Variants in RASGRP4 observed in about 807,000 individuals in gnomAD.
The protein encoded by RASGRP4 is RAS guanyl-releasing protein 4.
Under a neutral mutation model 84.4 loss-of-function variants are expected in RASGRP4, and 52 were observed. The ratio of observed to expected loss-of-function variants is 0.62; its 90% CI spans 0.49 to 0.78. The LOEUF is 0.78. RASGRP4 is among the 30% of genes least tolerant of loss of function. The pLI is 0.00. For synonymous variants in RASGRP4, 356 were observed against 359.1 expected (o/e 0.99, Z 0.10); for missense variants, 760 against 886.9 (o/e 0.86, Z 1.82).
intron 1 of RASGRP4, among the ~76,000 whole-genome samples, chr19:38,423,425 C>T (rs1600580964): frequency 6.6e-6 from 1 of 151,980 alleles, no homozygotes; most frequent in East Asian, 1.9e-4. Flanking sequence ...ACTCAGGAGG[C>T]TGAGGCAGGA....
rs759061661 is a variant in RASGRP4 at position 38,426,095 on chromosome 19, TC to T, written c.-5del. The T allele has an allele frequency of 3.8e-5, 51 of 1,336,342 alleles. No homozygotes were observed. The highest frequency in any genetic ancestry group is 4.2e-5 in the Non-Finnish European group (43 of 1,034,478). 82.8% of individuals were successfully genotyped at this position (1,336,342 alleles called of 1,614,324 possible). On this transcript the variant is annotated 5_prime_UTR_variant, in exon 1 of 17. Transcript: ENST00000615439. ...TCTTACTGTCTTTTCTGTTCATGCT[TC>T]CCGCGTGGGGTGAGGAGGCCGGGGG...
Position 38,409,147 on chromosome 19 carries a change from G to GGGA in RASGRP4, c.*892_*893insTCC. 3.0e-6 allele frequency: 1 copy of GGGA among 330,186 alleles called. No individual in the cohort carries two copies. The highest frequency in any genetic ancestry group is 2.2e-5 in the African/African-American group (1 of 45,200). 20.5% of individuals were successfully genotyped at this position (330,186 alleles called of 1,614,324 possible). A position where few individuals can be genotyped will look rare whatever the true frequency, so the allele number is the denominator to read the frequency against. On this transcript the variant is annotated 3_prime_UTR_variant, in exon 17 of 17. Transcript: ENST00000615439. The stretch of plus-strand genomic sequence containing the variant: ...TGTTGGGGTTTGTGAAGGGGTTGGG[G>GGGA]GGGTCTCTGCTCCCTGGGACTGAAT...
chr19:38,419,885 TCC>T lies in RASGRP4; in HGVS notation c.636_637del (p.Glu213ValfsTer102), dbSNP rs1453221710. On this transcript the variant is annotated frameshift_variant, in exon 6 of 17. Transcript: ENST00000615439. LOFTEE classifies it high-confidence loss of function. ...CGTGATAGCCTGGAAGGACCGGAAC[TCC>T]AGGTAGGTGAGGTGCTGAGCCAGCT... 1 of 1,605,664 alleles carries T rather than the reference TCC, an allele frequency of 6.2e-7. No homozygotes were observed. The highest frequency in any genetic ancestry group is 1.7e-5 in the Admixed American group (1 of 58,320).
Position 38,421,100 on chromosome 19 carries a change from C to T in RASGRP4, c.309G>A (p.Leu103=). 1.9e-6 allele frequency: 3 copies of T among 1,613,654 alleles called. No individual in the cohort carries two copies. The highest frequency in any genetic ancestry group is 2.2e-5 in the South Asian group (2 of 91,084). Residue 103 remains leucine, a synonymous_variant, in exon 3 of 17, where the codon CTG becomes CTA. Coordinates refer to ENST00000615439, the MANE Select transcript of RASGRP4 (RefSeq NM_170604.3). ...CTCACAGTCCTGGAGGATATGAGGT[C>T]AGCAGGCGGGCAGCCAGGTCGGCGG... ...LPSADLAARL[L]TSYQKATGDT...
Position 38,410,958 on chromosome 19 carries a change from A to T in RASGRP4, c.1893T>A (p.Pro631=), listed in dbSNP as rs898908397. ...ENHSYTLSLE[P]ETGCQLRHAW... is the part of the protein sequence containing the mutation. ...CATGGCGAAGCTGGCACCCAGTCTC[A>T]GGCTCCAGGGATAGCGTGTAGGAGT... Residue 631 remains proline (P), a synonymous_variant, in exon 16 of 17, where the codon CCT becomes CCA. Transcript: ENST00000615439. The T allele has an allele frequency of 3.1e-6, 5 of 1,602,768 alleles. No individual in the cohort carries two copies. Among genetic ancestry groups the T allele is most frequent in the Non-Finnish European group, 4.3e-6 (5 of 1,174,860 alleles).
intron 1 of RASGRP4, 139 bp from the exon 2 acceptor site, chr19:38,422,292 A>C: frequency 8.5e-6 from 6 of 709,426 alleles, no homozygotes; most frequent in Non-Finnish European, 1.4e-5. Context: ...CTGACCTACC[A>C]GGGACTCTAG....
chr19:38,412,432 A>C lies in RASGRP4; in HGVS notation c.1680+240T>G. 1 of 510,044 alleles carries C rather than the reference A, an allele frequency of 2.0e-6. No individual in the cohort carries two copies. The highest frequency in any genetic ancestry group is 3.5e-6 in the Non-Finnish European group (1 of 287,546). 31.6% of individuals were successfully genotyped at this position (510,044 alleles called of 1,614,324 possible). Reference sequence around the variant, plus strand: ...CCACCACTCCTGGCCTCCTATCTAGAGTTTTAGGTATTATCCATGGTTCAG... The same window carrying C: ...CCACCACTCCTGGCCTCCTATCTAGCGTTTTAGGTATTATCCATGGTTCAG... On this transcript the variant is annotated intron_variant, in intron 13 of 16. Transcript: ENST00000615439. This position sits in a 1 kb window ranked among gnomAD's most constrained non-coding sequence, Gnocchi z 4.6.
chr19:38,412,966 G>C lies in RASGRP4; in HGVS notation c.1500C>G (p.Phe500Leu). The C allele has an allele frequency of 6.2e-7, 1 of 1,614,022 alleles. No individual in the cohort carries two copies. The highest frequency in any genetic ancestry group is 8.5e-7 in the Non-Finnish European group (1 of 1,179,878). The change falls in exon 12 of 17, where the codon TTC (phenylalanine) becomes TTG (leucine). Residue 500 changes from phenylalanine (F) to leucine (L), a missense_variant. By Grantham distance (22) the Phe-to-Leu change is conservative. Transcript: ENST00000615439. The surrounding 1 kb of genome is among the most constrained non-coding windows in gnomAD (Gnocchi z 4.6). ...DFERLSGNFP[F>L]ACHGLHPPPR... ...GGGGTGGGTGAAGCCCATGGCAGGC[G>C]AAGGGAAAATTGCCCGAGAGTCGCT... is the stretch of plus-strand genomic sequence containing the variant.
Position 38,413,017 on chromosome 19 carries a change from T to C in RASGRP4, c.1449A>G (p.Arg483=), listed in dbSNP as rs764301044. The change falls in exon 12 of 17, where the codon CGA becomes CGG. Residue 483 remains arginine, a synonymous_variant. Coordinates refer to ENST00000615439, the MANE Select transcript of RASGRP4 (RefSeq NM_170604.3). The surrounding 1 kb of genome is among the most constrained non-coding windows in gnomAD (Gnocchi z 4.7). ...SVFKNYDPEG[R]GTISQEDFER... is the part of the protein sequence containing the mutation. ...CAAAGTCCTCCTGAGAGATTGTTCC[T>C]CGGCCTTCAGGGTCATAATTCTTGA... The C allele has an allele frequency of 6.2e-7, 1 of 1,613,982 alleles. No homozygotes were observed. The highest frequency in any genetic ancestry group is 8.5e-7 in the Non-Finnish European group (1 of 1,179,860).
rs1971373012 is a variant in RASGRP4 at position 38,413,604 on chromosome 19, G to C, written c.1231-130C>G. 1 of 738,238 alleles carries C rather than the reference G, an allele frequency of 1.4e-6. No individual in the cohort carries two copies. The highest frequency in any genetic ancestry group is 2.7e-5 in the East Asian group (1 of 37,090). The allele number at this position is 738,238 out of a possible 1,614,324, so 45.7% of individuals were successfully genotyped here. ...TGGCATTACTGCTGTGGGACAGTGG[G>C]CAAGGGACCTCACCTCTCTGGGCCT... On this transcript the variant is annotated intron_variant, in intron 9 of 16. Coordinates refer to ENST00000615439, the MANE Select transcript of RASGRP4 (RefSeq NM_170604.3). The surrounding 1 kb of genome is among the most constrained non-coding windows in gnomAD (Gnocchi z 4.7).
Position 38,413,269 on chromosome 19 carries a change from A to G in RASGRP4, c.1340T>C (p.Val447Ala), listed in dbSNP as rs1338490125. 1 of 1,612,682 alleles carries G rather than the reference A, an allele frequency of 6.2e-7. No individual in the cohort carries two copies. The highest frequency in any genetic ancestry group is 8.5e-7 in the Non-Finnish European group (1 of 1,179,442). Reference sequence around the variant, plus strand: ...TGTCACACCAGGGGCCCACTCCACCACCAGAGGTGCATTGAAGGGGGAGGG... The same window carrying G: ...TGTCACACCAGGGGCCCACTCCACCGCCAGAGGTGCATTGAAGGGGGAGGG... ...LPPSPFNAPL[V>A]VEWAPGVTPK... Residue 447 changes from valine to alanine, a missense_variant, in exon 11 of 17, where the codon GTG becomes GCG. Coordinates refer to ENST00000615439, the MANE Select transcript of RASGRP4 (RefSeq NM_170604.3). This position sits in a 1 kb window ranked among gnomAD's most constrained non-coding sequence, Gnocchi z 4.7.
Position 38,413,569 on chromosome 19 carries a change from G to T in RASGRP4, c.1231-95C>A. The T allele has an allele frequency of 9.5e-7, 1 of 1,055,838 alleles. No individual in the cohort carries two copies. Among genetic ancestry groups the T allele is most frequent in the Non-Finnish European group, 1.4e-6 (1 of 706,542 alleles). 65.4% of individuals were successfully genotyped at this position (1,055,838 alleles called of 1,614,324 possible). A position where few individuals can be genotyped will look rare whatever the true frequency, so the allele number is the denominator to read the frequency against. ...AGGCTCTTCCCAAAGCCCCTCCTGG[G>T]TTCAAATCCTGGCATTACTGCTGTG... On this transcript the variant is annotated intron_variant, in intron 9 of 16. Transcript: ENST00000615439. This position sits in a 1 kb window ranked among gnomAD's most constrained non-coding sequence, Gnocchi z 4.7.
At position 38,413,444 on chromosome 19, in the gene RASGRP4, CG is replaced by C; in HGVS notation, c.1260del (p.Asp420GlufsTer35). 6.2e-7 allele frequency: 1 copy of C among 1,603,710 alleles called. No homozygotes were observed. Among genetic ancestry groups the C allele is most frequent in the Non-Finnish European group, 8.5e-7 (1 of 1,175,094 alleles). On this transcript the variant is annotated frameshift_variant, in exon 10 of 17. Coordinates refer to ENST00000615439, the MANE Select transcript of RASGRP4 (RefSeq NM_170604.3). LOFTEE classifies it high-confidence loss of function. The surrounding 1 kb of genome is among the most constrained non-coding windows in gnomAD (Gnocchi z 4.7). ...CGGGCATAAGAAAGCTCATAGATCT[CG>C]TCTTCCGTGTAGAAGAGGTCCAGGG... is the stretch of plus-strand genomic sequence containing the variant. ...TLSLDLFYTE[D>X]EIYELSYARE...
At chr19:38,425,944 GC>G (rs1464026467) in intron 1 of RASGRP4, 124 bp downstream of exon 1, 19 of 692,150 alleles carry the variant, frequency 2.7e-5, no homozygotes, top group South Asian at 1.2e-4. Flanking sequence ...CATCCACCTG[GC>G]CCCCCTGCGC....
chr19:38,418,090 G>T lies in RASGRP4; in HGVS notation c.837+301C>A, dbSNP rs1306705799. Among the ~76,000 whole-genome samples the T allele has an allele frequency of 6.6e-6, 1 of 152,126 alleles. No homozygotes were observed. Among genetic ancestry groups the T allele is most frequent in the Non-Finnish European group, 1.5e-5 (1 of 67,994 alleles). Reference sequence around the variant, plus strand: ...GCCTCGGGCTTCCATGCCCCACAAAGGTGGGGGCATGGAAGAGACACTCTC... The same window carrying T: ...GCCTCGGGCTTCCATGCCCCACAAATGTGGGGGCATGGAAGAGACACTCTC... On this transcript the variant is annotated intron_variant, in intron 7 of 16. Coordinates refer to ENST00000615439, the MANE Select transcript of RASGRP4 (RefSeq NM_170604.3). This position sits in a 1 kb window ranked among gnomAD's most constrained non-coding sequence, Gnocchi z 4.6.
chr19:38,421,822 C>CA (rs1290096073), intron 2 of RASGRP4, 147 bp downstream of exon 2: 3 of 513,302 alleles, frequency 5.8e-6, no homozygotes, highest in Non-Finnish European at 1.0e-5. Context: ...AGAAGAAATG[C>CA]AGGTGTTTCT....
chr19:38,415,119 A>T lies in RASGRP4; in HGVS notation c.959T>A (p.Leu320His). 2 of 1,591,850 alleles carry T rather than the reference A, an allele frequency of 1.3e-6. No individual in the cohort carries two copies. Among genetic ancestry groups the T allele is most frequent in the East Asian group, 2.3e-5 (1 of 44,122 alleles). ...AHLSPDSTKA[L>H]LELTELLASH... is the part of the protein sequence containing the mutation. The stretch of plus-strand genomic sequence containing the variant: ...GGCAAGGAGCTCAGTGAGCTCCAGG[A>T]GGGCCTGGGGAGGAGGGACATGGGA... The change falls in exon 9 of 17, where the codon CTC becomes CAC. Residue 320 changes from leucine (L) to histidine (H), a missense_variant. By Grantham distance (99) the Leu-to-His change is moderately conservative. Coordinates refer to ENST00000615439, the MANE Select transcript of RASGRP4 (RefSeq NM_170604.3).
intron 4 of RASGRP4, among the ~76,000 whole-genome samples, chr19:38,420,580 G>C (rs1239855563): frequency 6.6e-6 from 1 of 151,386 alleles, no homozygotes; most frequent in Non-Finnish European, 1.5e-5. Context: ...TTTTTGGAGG[G>C]ACAGAATGAG....
rs1971352771 is a variant in RASGRP4, at chr19:38,413,295, T to G, written c.1314A>C (p.Pro438=). 6.2e-7 allele frequency: 1 copy of G among 1,611,902 alleles called. No homozygotes were observed. The highest frequency in any genetic ancestry group is 8.5e-7 in the Non-Finnish European group (1 of 1,179,148). Residue 438 remains proline (P), a splice_region_variant and synonymous_variant, in exon 11 of 17, where the codon CCA becomes CCC. Transcript: ENST00000615439. The surrounding 1 kb of genome is among the most constrained non-coding windows in gnomAD (Gnocchi z 4.7). ...CCAGAGGTGCATTGAAGGGGGAGGG[T>G]GGCTGGGGCGGGGACAGAGGAGCAC... ...AREPRCPKSL[P]PSPFNAPLVV...
Sources: allele counts gnomAD v4.1 joint callset (sites outside exome capture counted in the v4.1 genomes callset), GRCh38; gene constraint gnomAD v4.1.1; non-coding constraint Gnocchi (gnomAD v3.1); transcripts MANE v1.5; gene names NCBI Gene and HGNC (gene_info 2026-07-23, HGNC 2026-07-21).